MVP: variants seen among roughly 807,000 people sequenced by gnomAD.
MVP encodes the protein major vault protein.
In MVP, 62 loss-of-function variants were observed where a neutral mutation model predicts 83.5. That is an observed-to-expected ratio of 0.74 (90% CI 0.61 to 0.92). The LOEUF (loss-of-function observed/expected upper bound fraction) is 0.92. MVP is among the 40% of genes least tolerant of loss of function. The probability of loss-of-function intolerance (pLI) is 0.00; values close to 1 mark genes in which losing one functional copy is unlikely to be tolerated. For missense variants in MVP, 1,000 were observed against 1,203.4 expected, an observed-to-expected ratio of 0.83 and a Z score of 2.50; for synonymous variants, 505 against 504.1, an observed-to-expected ratio of 1.00 and a Z score of -0.02.
chr16:29,846,014 G>A (rs2067581729), intron 12 of MVP, 35 bp downstream of exon 12: 30 of 1,613,494 alleles, frequency 1.9e-5, no homozygotes, highest in Non-Finnish European at 2.3e-5. Flanking sequence ...ACTGGCAGGG[G>A]CCGAGGGTCT....
intron 10 of MVP, among the ~76,000 whole-genome samples, chr16:29,842,399 G>A (rs1187103737): frequency 1.3e-5 from 2 of 151,984 alleles, no homozygotes; most frequent in African/African-American, 4.8e-5. Context: ...CCCACCTCCC[G>A]GATTCAAGCG....
rs532595292 is a variant in MVP, at chr16:29,844,087, A to G, written c.1635-406A>G. On this transcript the variant is annotated intron_variant, in intron 10 of 14. Transcript: ENST00000357402. ...CTGGTTCAGCTTTCTGGCTTGTCAC[A>G]TGTTATATGGCAAGTCTTGGGCCAG... 3.3e-5 allele frequency among the ~76,000 whole-genome samples: 5 copies of G among 152,240 alleles called. No individual in the cohort carries two copies. The East Asian group carries it at 9.7e-4, about 29-fold the overall frequency.
At chr16:29,830,756 C>T in intron 2 of MVP, 82 bp downstream of exon 2, 11 of 1,582,606 alleles carry the variant, frequency 7.0e-6, no homozygotes, top group Non-Finnish European at 9.5e-6. Flanking sequence ...TATCCTCCTC[C>T]CTCTTCCCAA....
At chr16:29,847,614 C>A in intron 14 of MVP, 148 bp from the exon 15 acceptor site, 1 of 969,742 alleles carries the variant, frequency 1.0e-6, no homozygotes, top group Non-Finnish European at 1.6e-6. Context: ...GGATGGGACG[C>A]CAGTCTGACA....
At chr16:29,837,994 T>G (rs2067502096) in intron 7 of MVP, among the ~76,000 whole-genome samples, 1 of 152,144 alleles carries the variant, frequency 6.6e-6, no homozygotes, top group Non-Finnish European at 1.5e-5. Flanking sequence ...GGCTGGATGG[T>G]AGATACTCCA....
In MVP at chr16:29,831,072, A is replaced by G. The variant is rs1480649794; in HGVS notation, c.320A>G (p.Lys107Arg). The G allele has an allele frequency of 1.2e-6, 2 of 1,610,274 alleles. No homozygotes were observed. Among genetic ancestry groups the G allele is most frequent in the African/African-American group, 2.7e-5 (2 of 74,838 alleles). ...FPLYPGEVLE[K>R]DITPLQVVLP... ...CTGTACCCAGGGGAGGTGCTGGAAA[A>G]GGTACCTGGTTTCCTCACTCCCTAT... The change falls in exon 3 of 15, where the codon AAG (lysine) becomes AGG (arginine). Residue 107 changes from lysine to arginine, a missense_variant and splice_region_variant. By Grantham distance (26) the Lys-to-Arg change is conservative. Coordinates refer to ENST00000357402, the MANE Select transcript of MVP (RefSeq NM_005115.5).
In MVP at chr16:29,834,086, A is replaced by T; in HGVS notation, c.577+20A>T. 3 of 1,610,914 alleles carry T rather than the reference A, an allele frequency of 1.9e-6. No homozygotes were observed. Among genetic ancestry groups the T allele is most frequent in the Non-Finnish European group, 2.5e-6 (3 of 1,178,700 alleles). ...TGACAGGTGGGGTCACCAAGGGGCG[A>T]TGATGGTGGGTGGGCAGGAGGGGTC... On this transcript the variant is annotated intron_variant, in intron 5 of 14. Coordinates refer to ENST00000357402, the MANE Select transcript of MVP (RefSeq NM_005115.5).
chr16:29,822,605 G>C (rs1469454370), intron 1 of MVP: 1 of 152,238 alleles, frequency 6.6e-6, no homozygotes, highest in Admixed American at 6.6e-5. Context: ...CCTCAGGACT[G>C]CCTGGAGCAA....
intron 1 of MVP, among the ~76,000 whole-genome samples, chr16:29,826,614 C>T (rs867427056): frequency 2.5e-4 from 31 of 124,398 alleles, no homozygotes; most frequent in Admixed American, 1.6e-3. Flanking sequence ...AAAGTAAGAC[C>T]TTATCTCAAA....
At chr16:29,846,687 A>G (rs1192159238) in intron 13 of MVP, among the ~76,000 whole-genome samples, 2 of 152,238 alleles carry the variant, frequency 1.3e-5, no homozygotes, top group Admixed American at 1.3e-4. Context: ...GTGAAACCCC[A>G]TCTCTACTGA....
chr16:29,824,225 A>AAAC (rs1567386692), intron 1 of MVP, among the ~76,000 whole-genome samples: 2 of 140,246 alleles, frequency 1.4e-5, no homozygotes, highest in Non-Finnish European at 3.0e-5. Context: ...AAAAAAAAAA[A>AAAC]AAAAAAAAAA....
At chr16:29,845,811 G>A in intron 11 of MVP, 52 bp from the exon 12 acceptor site, 2 of 1,563,494 alleles carry the variant, frequency 1.3e-6, no homozygotes, top group Admixed American at 1.7e-5. Flanking sequence ...TGGCGCTCCT[G>A]TTCCTGCTCT....
At chr16:29,837,064 C>T in intron 7 of MVP, 106 bp downstream of exon 7, 1 of 1,016,842 alleles carries the variant, frequency 9.8e-7, no homozygotes. Context: ...CTAGGAACAC[C>T]TTCTGTGCCT....
intron 1 of MVP, among the ~76,000 whole-genome samples, chr16:29,825,678 T>G (rs2150750522): frequency 6.6e-6 from 1 of 152,280 alleles, no homozygotes; most frequent in Non-Finnish European, 1.5e-5. Context: ...GGATGACTCT[T>G]GCTGAGTCAC....
chr16:29,843,989 T>G (rs186770416), intron 10 of MVP, among the ~76,000 whole-genome samples: 3 of 152,314 alleles, frequency 2.0e-5, no homozygotes, highest in Admixed American at 2.0e-4. Context: ...TGCCGACATA[T>G]TCCCAGGGCT....
chr16:29,847,533 T>TCA, intron 14 of MVP, 148 bp downstream of exon 14: 1 of 895,190 alleles, frequency 1.1e-6, no homozygotes, highest in East Asian at 2.6e-5. Flanking sequence ...TCACACAGTG[T>TCA]CACGCTGCAT....
chr16:29,845,869 G>A lies in MVP; in HGVS notation c.2028G>A (p.Glu676=), dbSNP rs755603817. 3.7e-6 allele frequency: 6 copies of A among 1,613,812 alleles called. No individual in the cohort carries two copies. Among genetic ancestry groups the A allele is most frequent in the South Asian group, 3.3e-5 (3 of 91,060 alleles). Residue 676 remains glutamate, a synonymous_variant, in exon 12 of 15, where the codon GAG becomes GAA. Coordinates refer to ENST00000357402, the MANE Select transcript of MVP (RefSeq NM_005115.5). ...TGCGCTCCGTCTCCTCCAGGCATGA[G>A]GCTCAGAGACTGGAGCAGGAAGCCC... ...TNSQEAAAKH[E]AQRLEQEARG... is the part of the protein sequence containing the mutation.
intron 1 of MVP, among the ~76,000 whole-genome samples, chr16:29,821,814 G>A (rs1036650461): frequency 6.6e-6 from 1 of 152,204 alleles, no homozygotes; most frequent in Non-Finnish European, 1.5e-5. Context: ...ATCTGAAGTG[G>A]GAGCTGTTAC....
In MVP at chr16:29,833,833, A is replaced by C. The variant is rs781782342; in HGVS notation, c.422A>C (p.Asp141Ala). ...DKDGDKVVAGDEWLFEGPGTY... is the reference protein window; with the variant it reads ...DKDGDKVVAGAEWLFEGPGTY... ...GATGGAGACAAGGTGGTGGCAGGAG[A>C]TGAGTGGCTTTTCGAGGGACCTGGT... is the stretch of plus-strand genomic sequence containing the variant. Residue 141 changes from aspartate (D) to alanine (A), a missense_variant, in exon 4 of 15, where the codon GAT becomes GCT. Coordinates refer to ENST00000357402, the MANE Select transcript of MVP (RefSeq NM_005115.5). 6.2e-7 allele frequency: 1 copy of C among 1,614,000 alleles called. No individual in the cohort carries two copies. Among genetic ancestry groups the C allele is most frequent in the Non-Finnish European group, 8.5e-7 (1 of 1,179,974 alleles).
Sources: allele counts gnomAD v4.1 joint callset (sites outside exome capture counted in the v4.1 genomes callset), GRCh38; gene constraint gnomAD v4.1.1; transcripts MANE v1.5; gene names NCBI Gene and HGNC (gene_info 2026-07-23, HGNC 2026-07-21).